The following CTNNA1 variants were observed in gnomAD, a reference collection of about 807,000 sequenced individuals.
CTNNA1 encodes catenin alpha 1.
A neutral mutation model predicts 98.4 loss-of-function variants in CTNNA1; 37 were observed. That is an observed-to-expected ratio of 0.38 (90% confidence interval 0.29 to 0.49). The LOEUF (loss-of-function observed/expected upper bound fraction) is 0.49. Among genes scored for constraint, CTNNA1 ranks in the 20% least tolerant of loss-of-function variants. CTNNA1 has a pLI of 0.95. For missense variants in CTNNA1, 761 were observed against 1,147.2 expected, an observed-to-expected ratio of 0.66 and a Z score of 4.86; for synonymous variants, 404 against 413.2, an observed-to-expected ratio of 0.98 and a Z score of 0.27.
chr5:138,928,922 C>T (rs574744856), intron 13 of CTNNA1, among the ~76,000 whole-genome samples: 9 of 150,006 alleles, frequency 6.0e-5, no homozygotes, highest in Admixed American at 1.3e-4. Context: ...GGTGACAGAG[C>T]GAGACTCTGT....
At chr5:138,886,342 G>T in intron 8 of CTNNA1, 50 bp downstream of exon 8, 1 of 1,534,836 alleles carries the variant, frequency 6.5e-7, no homozygotes, top group Non-Finnish European at 8.8e-7. Context: ...CAATTTTGTA[G>T]TTTTGATTAA....
chr5:138,894,413 C>T (rs946478415), intron 9 of CTNNA1, among the ~76,000 whole-genome samples: 6 of 150,926 alleles, frequency 4.0e-5, no homozygotes, highest in African/African-American at 1.5e-4. Context: ...TCCTGAGTAG[C>T]TGGGGCCACA....
intron 12 of CTNNA1, among the ~76,000 whole-genome samples, chr5:138,925,002 C>T (rs1446482325): frequency 6.6e-6 from 1 of 152,212 alleles, no homozygotes; most frequent in African/African-American, 2.4e-5. Flanking sequence ...AGGTAGGTCC[C>T]ATTCTTAAGC....
intron 7 of CTNNA1, among the ~76,000 whole-genome samples, chr5:138,862,537 T>G (rs1168957554): frequency 6.6e-6 from 1 of 152,198 alleles, no homozygotes; most frequent in Non-Finnish European, 1.5e-5. Flanking sequence ...GGAAAAGACA[T>G]CACTTGATTT....
At chr5:138,922,276 C>G (rs764878864) in intron 11 of CTNNA1, among the ~76,000 whole-genome samples, 4 of 152,102 alleles carry the variant, frequency 2.6e-5, no homozygotes, top group Non-Finnish European at 1.5e-5. Flanking sequence ...TGCCAAAATA[C>G]CTGTATAAGG....
chr5:138,799,130 CA>C (rs1757272655), intron 3 of CTNNA1, among the ~76,000 whole-genome samples: 1 of 151,968 alleles, frequency 6.6e-6, no homozygotes, highest in Non-Finnish European at 1.5e-5. Flanking sequence ...CTCAGCCTCC[CA>C]AAGTGCTGAG....
At position 138,934,464 on chromosome 5, in the gene CTNNA1, C is replaced by G. The variant is rs1766112544; in HGVS notation, c.*375C>G. 4.8e-6 allele frequency: 1 copy of G among 209,616 alleles called. No homozygotes were observed. The highest frequency in any genetic ancestry group is 9.5e-6 in the Non-Finnish European group (1 of 104,868). 13.0% of individuals were successfully genotyped at this position (209,616 alleles called of 1,614,324 possible). On this transcript the variant is annotated 3_prime_UTR_variant, in exon 18 of 18. Coordinates refer to ENST00000302763, the MANE Select transcript of CTNNA1 (RefSeq NM_001903.5). ...TCAACTTCAGTTGAGAGGGTGCAGTCCAGACAGCTTGACTGCTTTTAAATG... is the reference window on the plus strand; with the variant it reads ...TCAACTTCAGTTGAGAGGGTGCAGTGCAGACAGCTTGACTGCTTTTAAATG...
At chr5:138,800,061 T>A (rs1282251319) in intron 3 of CTNNA1, among the ~76,000 whole-genome samples, 1 of 152,054 alleles carries the variant, frequency 6.6e-6, no homozygotes, top group Non-Finnish European at 1.5e-5. Flanking sequence ...CACACCCAGC[T>A]AAATTTAGTA....
At chr5:138,922,312 A>T (rs950127701) in intron 11 of CTNNA1, among the ~76,000 whole-genome samples, 3 of 152,234 alleles carry the variant, frequency 2.0e-5, no homozygotes, top group Admixed American at 2.0e-4. Context: ...AGAATGTCTA[A>T]GGAAAGACTG....
intron 3 of CTNNA1, among the ~76,000 whole-genome samples, chr5:138,802,418 C>A (rs973344318): frequency 2.0e-5 from 3 of 152,124 alleles, no homozygotes; most frequent in Non-Finnish European, 4.4e-5. Context: ...AATCGATTCT[C>A]CTACCTTGAC....
chr5:138,913,947 T>A (rs1580768988), intron 10 of CTNNA1, among the ~76,000 whole-genome samples: 1 of 152,140 alleles, frequency 6.6e-6, no homozygotes, highest in Admixed American at 6.5e-5. Context: ...GCATCCTGGG[T>A]TTAGGCAATC....
chr5:138,931,025 C>G, intron 16 of CTNNA1, 90 bp downstream of exon 16: 1 of 782,034 alleles, frequency 1.3e-6, no homozygotes, highest in South Asian at 1.4e-5. Context: ...TTTCATGGGC[C>G]ACAGCACTTT....
intron 10 of CTNNA1, 109 bp from the exon 11 acceptor site, chr5:138,917,633 G>A (rs1349728784): frequency 1.9e-6 from 2 of 1,073,720 alleles, no homozygotes; most frequent in Non-Finnish European, 1.3e-6. Flanking sequence ...CTTCATCTTT[G>A]TGATAGTTAG....
At chr5:138,900,510 C>T (rs1757802489) in intron 9 of CTNNA1, among the ~76,000 whole-genome samples, 1 of 152,128 alleles carries the variant, frequency 6.6e-6, no homozygotes, top group Admixed American at 6.5e-5. Flanking sequence ...TGGGAAACAA[C>T]TTGTGTTCGA....
intron 1 of CTNNA1, among the ~76,000 whole-genome samples, chr5:138,768,223 T>G (rs777134611): frequency 7.9e-5 from 12 of 152,348 alleles, no homozygotes; most frequent in Non-Finnish European, 1.2e-4. Context: ...TTTGTAGATG[T>G]TCTCCATTTT....
At chr5:138,776,494 T>C (rs986614253) in intron 1 of CTNNA1, among the ~76,000 whole-genome samples, 1 of 152,198 alleles carries the variant, frequency 6.6e-6, no homozygotes, top group Non-Finnish European at 1.5e-5. Context: ...TTGCCCGCCT[T>C]TCCCCCCTTT....
At chr5:138,917,398 T>C (rs1326235446) in intron 10 of CTNNA1, among the ~76,000 whole-genome samples, 1 of 152,212 alleles carries the variant, frequency 6.6e-6, no homozygotes, top group East Asian at 1.9e-4. Flanking sequence ...TATAGTCCAT[T>C]TTAAGTGGCA....
At chr5:138,840,277 C>G (rs924804969) in intron 7 of CTNNA1, among the ~76,000 whole-genome samples, 1 of 152,152 alleles carries the variant, frequency 6.6e-6, no homozygotes, top group East Asian at 1.9e-4. Flanking sequence ...TGTGTCTGCT[C>G]CATTGCTTGC....
chr5:138,849,342 T>C lies in CTNNA1; in HGVS notation c.1062+21624T>C, dbSNP rs189012937. 3.3e-5 allele frequency among the ~76,000 whole-genome samples: 5 copies of C among 152,342 alleles called. No homozygotes were observed. The East Asian group carries it at 9.6e-4, about 29-fold the overall frequency. On this transcript the variant is annotated intron_variant, in intron 7 of 17. Transcript: ENST00000302763. ...TGTTTTTGTTTTAACAAACCCACTA[T>C]CTCATTGTTTAAGAGAATTTACACA...
Sources: allele counts gnomAD v4.1 joint callset (sites outside exome capture counted in the v4.1 genomes callset), GRCh38; gene constraint gnomAD v4.1.1; transcripts MANE v1.5; gene names NCBI Gene and HGNC (gene_info 2026-07-23, HGNC 2026-07-21).